The following ACBD3 variants were observed in gnomAD, a reference collection of about 807,000 sequenced individuals.
The protein encoded by ACBD3 is Golgi resident protein GCP60.
A neutral mutation model predicts 66.9 loss-of-function variants in ACBD3; 30 were observed. The observed-to-expected ratio is 0.45, with a 90% CI of 0.34 to 0.61. The LOEUF is 0.61. Among genes scored for constraint, ACBD3 ranks in the 20% least tolerant of loss-of-function variants. The pLI is 0.02. For missense variants in ACBD3, 544 were observed against 664.5 expected, an observed-to-expected ratio of 0.82 and a Z score of 1.99; for synonymous variants, 278 against 259.8, an observed-to-expected ratio of 1.07 and a Z score of -0.68.
intron 1 of ACBD3, among the ~76,000 whole-genome samples, chr1:226,179,022 G>A (rs1656115361): frequency 1.3e-5 from 2 of 152,164 alleles, no homozygotes; most frequent in Admixed American, 6.5e-5. Flanking sequence ...TATGTATTGT[G>A]TTTGCCCTGA....
chr1:226,165,944 G>A lies in ACBD3; in HGVS notation c.343C>T (p.Leu115=). The change falls in exon 2 of 8, where the codon CTG becomes TTG. Residue 115 remains leucine (L), a synonymous_variant. Coordinates refer to ENST00000366812, the MANE Select transcript of ACBD3 (RefSeq NM_022735.4). ...TYEEKLKLVA[L]HKQVLMGPYN... ...GGGCCCATAAGAACTTGCTTATGCA[G>A]TGCCACAAGCTTCAATTTTTCTTCA... 3.7e-6 allele frequency: 6 copies of A among 1,612,574 alleles called. No homozygotes were observed. Among genetic ancestry groups the A allele is most frequent in the Non-Finnish European group, 5.1e-6 (6 of 1,179,626 alleles).
intron 1 of ACBD3, among the ~76,000 whole-genome samples, chr1:226,176,961 CTT>C (rs1180762851): frequency 2.6e-5 from 4 of 152,070 alleles, no homozygotes; most frequent in East Asian, 1.9e-4. Context: ...TGTCCAGCAA[CTT>C]TGAGGAAAAA....
chr1:226,165,836 A>T (rs1158151914), intron 2 of ACBD3, 23 bp downstream of exon 2: 5 of 1,594,964 alleles, frequency 3.1e-6, no homozygotes, highest in African/African-American at 2.7e-5. Flanking sequence ...CATTAAATTC[A>T]CTATACAGAA....
intron 1 of ACBD3, among the ~76,000 whole-genome samples, chr1:226,185,063 T>C (rs1429110797): frequency 6.6e-6 from 1 of 152,106 alleles, no homozygotes; most frequent in Non-Finnish European, 1.5e-5. Context: ...GGAATGTAGC[T>C]ATATGAATTG....
intron 4 of ACBD3, among the ~76,000 whole-genome samples, chr1:226,160,968 C>T (rs887126401): frequency 6.6e-6 from 1 of 152,298 alleles, no homozygotes; most frequent in South Asian, 2.1e-4. Context: ...AATAAATCCT[C>T]GGACAGCCTT....
At chr1:226,167,802 A>G (rs576764096) in intron 1 of ACBD3, among the ~76,000 whole-genome samples, 1 of 152,308 alleles carries the variant, frequency 6.6e-6, no homozygotes, top group South Asian at 2.1e-4. Context: ...AAAATATAGA[A>G]GCTGCCAATA....
At chr1:226,179,702 A>G (rs1014900730) in intron 1 of ACBD3, among the ~76,000 whole-genome samples, 1 of 152,084 alleles carries the variant, frequency 6.6e-6, no homozygotes, top group African/African-American at 2.4e-5. Flanking sequence ...TACTAAAAAT[A>G]CAAAAATTAG....
At chr1:226,148,749 C>T (rs1659505514) in intron 7 of ACBD3, among the ~76,000 whole-genome samples, 1 of 152,112 alleles carries the variant, frequency 6.6e-6, no homozygotes, top group Admixed American at 6.5e-5. Context: ...AAAACCAAAC[C>T]AAAACCCAAA....
rs1659420760 is a variant in ACBD3 at position 226,145,023 on chromosome 1, T to C, written c.*1587A>G. On this transcript the variant is annotated 3_prime_UTR_variant, in exon 8 of 8. Coordinates refer to ENST00000366812, the MANE Select transcript of ACBD3 (RefSeq NM_022735.4). Reference sequence around the variant, plus strand: ...AAAATCCAGGAAGTGCCTAACTCCATGGTTTCTATACCATATGTACATGAA... The same window carrying C: ...AAAATCCAGGAAGTGCCTAACTCCACGGTTTCTATACCATATGTACATGAA... The C allele has an allele frequency of 1.3e-5, 2 of 152,706 alleles. No individual in the cohort carries two copies. The highest frequency in any genetic ancestry group is 2.4e-5 in the African/African-American group (1 of 41,580). The allele number at this position is 152,706 out of a possible 1,614,324, so 9.5% of individuals were successfully genotyped here. A position where few individuals can be genotyped will look rare whatever the true frequency, so the allele number is the denominator to read the frequency against.
In ACBD3 at chr1:226,164,806, T is replaced by C. The variant is rs149088607; in HGVS notation, c.552A>G (p.Glu184=). 395 of 1,609,378 alleles carry C rather than the reference T, an allele frequency of 2.5e-4. 2 individuals are homozygous for C. In the Middle Eastern group the frequency reaches 3.3e-3, roughly 13 times the overall value. Residue 184 remains glutamate, a synonymous_variant, in exon 3 of 8, where the codon GAA becomes GAG. Transcript: ENST00000366812. ...TYVASHKIEK[E]EQEKKRKEEE... is the part of the protein sequence containing the mutation. Reference sequence around the variant, plus strand: ...AACTTCACCTTTTTTTTTCTTGCTCTTCCTTCTCTATTTTGTGGGACGCAA... The same window carrying C: ...AACTTCACCTTTTTTTTTCTTGCTCCTCCTTCTCTATTTTGTGGGACGCAA...
intron 1 of ACBD3, among the ~76,000 whole-genome samples, chr1:226,183,608 A>G (rs1027129506): frequency 6.6e-6 from 1 of 152,172 alleles, no homozygotes; most frequent in African/African-American, 2.4e-5. Flanking sequence ...CATTAAAACA[A>G]AGGTGCCGGG....
rs763517769 is a variant in ACBD3, at chr1:226,161,568, G to A, written c.691C>T (p.Arg231Trp). 5.6e-6 allele frequency: 9 copies of A among 1,613,052 alleles called. 1 individual carries two copies. In the South Asian group the frequency reaches 6.6e-5, roughly 12 times the overall value. The change falls in exon 4 of 8, where the codon CGG becomes TGG. Residue 231 changes from arginine (R) to tryptophan (W), a missense_variant. Transcript: ENST00000366812. ...AACCGAAGCCTTTCTTCTTCTATCCGTCTCCTTTCCTCTTCCTCCCGTCGA... is the reference window on the plus strand; with the variant it reads ...AACCGAAGCCTTTCTTCTTCTATCCATCTCCTTTCCTCTTCCTCCCGTCGA... ...RLRREEEERR[R>W]IEEERLRLEQ... is the part of the protein sequence containing the mutation.
chr1:226,154,796 C>A lies in ACBD3; in HGVS notation c.941G>T (p.Gly314Val), dbSNP rs1659641982. The change falls in exon 6 of 8, where the codon GGG becomes GTG. Residue 314 changes from glycine to valine, a missense_variant. Gly to Val is a moderately radical substitution (Grantham distance 109). Coordinates refer to ENST00000366812, the MANE Select transcript of ACBD3 (RefSeq NM_022735.4). ...TTTTGATGATGTAGGCAAGGAAGACCCAGCCACTACTACTTCCTGTTGTTT... is the reference window on the plus strand; with the variant it reads ...TTTTGATGATGTAGGCAAGGAAGACACAGCCACTACTACTTCCTGTTGTTT... ...LQKQQEVVVA[G>V]SSLPTSSKVN... The A allele has an allele frequency of 2.5e-6, 4 of 1,611,466 alleles. No homozygotes were observed. Among genetic ancestry groups the A allele is most frequent in the Non-Finnish European group, 3.4e-6 (4 of 1,178,708 alleles).
At chr1:226,175,091 C>CAAAAAAAAAAAAAAAA (rs35201518) in intron 1 of ACBD3, among the ~76,000 whole-genome samples, 39 of 75,938 alleles carry the variant, frequency 5.1e-4, no homozygotes, top group East Asian at 7.1e-4. Context: ...GACTCCATCT[C>CAAAAAAAAAAAAAAAA]AAAAAAAAAA....
At chr1:226,148,881 T>C (rs1339407025) in intron 7 of ACBD3, among the ~76,000 whole-genome samples, 1 of 152,210 alleles carries the variant, frequency 6.6e-6, no homozygotes, top group African/African-American at 2.4e-5. Flanking sequence ...GCTCATGTAA[T>C]GAACAATTCT....
Position 226,146,397 on chromosome 1 carries a change from G to A in ACBD3, c.*213C>T, listed in dbSNP as rs1187350149. 1.9e-5 allele frequency: 10 copies of A among 528,488 alleles called. No homozygotes were observed. The highest frequency in any genetic ancestry group is 3.1e-5 in the Non-Finnish European group (9 of 294,930). 32.7% of individuals were successfully genotyped at this position (528,488 alleles called of 1,614,324 possible). A position where few individuals can be genotyped will look rare whatever the true frequency, so the allele number is the denominator to read the frequency against. Reference sequence around the variant, plus strand: ...TGACTCTGCTGGTCAGCACCCAAGGGCTGGATGAGTCTGAGGAATCTCCTT... The same window carrying A: ...TGACTCTGCTGGTCAGCACCCAAGGACTGGATGAGTCTGAGGAATCTCCTT... On this transcript the variant is annotated 3_prime_UTR_variant, in exon 8 of 8. Transcript: ENST00000366812.
At chr1:226,183,150 G>A (rs1656207306) in intron 1 of ACBD3, among the ~76,000 whole-genome samples, 1 of 152,082 alleles carries the variant, frequency 6.6e-6, no homozygotes, top group South Asian at 2.1e-4. Context: ...TTCCACAGTG[G>A]AAGAGAAAAT....
At chr1:226,150,672 C>T (rs371215723) in intron 7 of ACBD3, among the ~76,000 whole-genome samples, 80 of 152,306 alleles carry the variant, frequency 5.3e-4, no homozygotes, top group African/African-American at 1.5e-3. Flanking sequence ...CCACCGCGTC[C>T]GGCCCAGGCT....
chr1:226,156,822 A>C (rs188016615), intron 5 of ACBD3, among the ~76,000 whole-genome samples: 385 of 152,342 alleles, frequency 2.5e-3, no homozygotes, highest in African/African-American at 8.8e-3. Flanking sequence ...CATTCACTGC[A>C]TGACAGGAAA....
Sources: allele counts gnomAD v4.1 joint callset (sites outside exome capture counted in the v4.1 genomes callset), GRCh38; gene constraint gnomAD v4.1.1; transcripts MANE v1.5; gene names NCBI Gene and HGNC (gene_info 2026-07-23, HGNC 2026-07-21).